Variants in EPHA6 observed in about 807,000 individuals in gnomAD.
EPHA6 encodes EPH receptor A6, also known as ephrin type-A receptor 6.
EPHA6 carries 50 observed loss-of-function variants against 112.0 expected under a neutral mutation model. The observed-to-expected ratio is 0.45, with a 90% CI of 0.36 to 0.56. The LOEUF (loss-of-function observed/expected upper bound fraction) is 0.56. Ranked by LOEUF, EPHA6 falls within the 20% of genes least tolerant of loss-of-function variation. The probability of loss-of-function intolerance (pLI) is 0.00; values close to 1 mark genes in which losing one functional copy is unlikely to be tolerated. For synonymous variants in EPHA6, 529 were observed against 490.7 expected (o/e 1.08, Z -1.03); for missense variants, 1,280 against 1,417.4 (o/e 0.90, Z 1.56).
intron 8 of EPHA6, among the ~76,000 whole-genome samples, chr3:97,477,196 T>C (rs1205151603): frequency 6.6e-6 from 1 of 152,104 alleles, no homozygotes; most frequent in East Asian, 1.9e-4. Flanking sequence ...TCTAAACCAA[T>C]TAACCATTAG....
At chr3:96,866,919 C>A in intron 2 of EPHA6, 30 bp downstream of exon 2, 4 of 1,324,836 alleles carry the variant, frequency 3.0e-6, no homozygotes, top group South Asian at 1.6e-5. Flanking sequence ...AAATTGCTGT[C>A]TTTTTTAGAT....
At chr3:97,019,498 T>C (rs1377153391) in intron 3 of EPHA6, among the ~76,000 whole-genome samples, 2 of 152,184 alleles carry the variant, frequency 1.3e-5, no homozygotes, top group Non-Finnish European at 2.9e-5. Context: ...ACTCCAGCTA[T>C]GTTTTCTCAA....
intron 3 of EPHA6, among the ~76,000 whole-genome samples, chr3:97,142,677 TC>T (rs1559754120): frequency 6.6e-6 from 1 of 151,746 alleles, no homozygotes; most frequent in Non-Finnish European, 1.5e-5. Flanking sequence ...TAATAAAACA[TC>T]TTCCAACAAA....
At chr3:97,160,741 C>G (rs2076395191) in intron 3 of EPHA6, among the ~76,000 whole-genome samples, 1 of 152,170 alleles carries the variant, frequency 6.6e-6, no homozygotes. Flanking sequence ...CAAGTCTGGT[C>G]ATTTCTCCTT....
chr3:97,324,547 T>TTCTC (rs71113855), intron 5 of EPHA6, among the ~76,000 whole-genome samples: 136 of 151,338 alleles, frequency 9.0e-4, no homozygotes, highest in African/African-American at 2.7e-3. Flanking sequence ...CTTTCTCTCT[T>TTCTC]TCTTTCTTTC....
chr3:97,187,741 G>GAA (rs1240522453), intron 3 of EPHA6, among the ~76,000 whole-genome samples: 3 of 146,626 alleles, frequency 2.0e-5, no homozygotes, highest in Non-Finnish European at 4.6e-5. Flanking sequence ...AAGAAAGAAA[G>GAA]AAAGAGGAAA....
intron 3 of EPHA6, among the ~76,000 whole-genome samples, chr3:97,099,857 T>C (rs1336736053): frequency 6.6e-6 from 1 of 151,986 alleles, no homozygotes; most frequent in East Asian, 1.9e-4. Context: ...GATTATGAAG[T>C]GAGTGAGAAA....
intron 5 of EPHA6, among the ~76,000 whole-genome samples, chr3:97,251,698 G>GT: frequency 6.6e-6 from 1 of 152,258 alleles, no homozygotes; most frequent in Non-Finnish European, 1.5e-5. Context: ...TTAGATGAGT[G>GT]TTTTTTCTTC....
chr3:96,984,216 T>C (rs2042928900), intron 2 of EPHA6, among the ~76,000 whole-genome samples: 1 of 152,188 alleles, frequency 6.6e-6, no homozygotes, highest in South Asian at 2.1e-4. Context: ...GATGGTGACG[T>C]GCAGATGGGG....
chr3:97,050,971 G>C (rs1299312044), intron 3 of EPHA6, among the ~76,000 whole-genome samples: 1 of 152,012 alleles, frequency 6.6e-6, no homozygotes, highest in East Asian at 1.9e-4. Flanking sequence ...ACTTAGTCCT[G>C]GTATGAAGAA....
chr3:97,553,374 C>G (rs1385300955), intron 11 of EPHA6, among the ~76,000 whole-genome samples: 1 of 152,042 alleles, frequency 6.6e-6, no homozygotes, highest in Admixed American at 6.6e-5. Flanking sequence ...TCTAAAGTAG[C>G]CCTCCCCAAC....
At chr3:97,165,958 G>A (rs1324792327) in intron 3 of EPHA6, among the ~76,000 whole-genome samples, 1 of 152,050 alleles carries the variant, frequency 6.6e-6, no homozygotes, top group Non-Finnish European at 1.5e-5. Context: ...TTTCAATTTT[G>A]AAAAGAAGTG....
chr3:97,558,706 G>C (rs1056468667), intron 11 of EPHA6, among the ~76,000 whole-genome samples: 4 of 151,980 alleles, frequency 2.6e-5, no homozygotes, highest in Admixed American at 6.6e-5. Context: ...GTGCTTTTAG[G>C]AAGCAGTACA....
At chr3:96,881,458 A>G (rs901554520) in intron 2 of EPHA6, among the ~76,000 whole-genome samples, 2 of 152,120 alleles carry the variant, frequency 1.3e-5, no homozygotes, top group Admixed American at 6.5e-5. Flanking sequence ...ATTCACTACC[A>G]TGAGAACCGT....
chr3:97,404,199 A>G (rs999046471), intron 5 of EPHA6, among the ~76,000 whole-genome samples: 11 of 152,212 alleles, frequency 7.2e-5, no homozygotes, highest in Non-Finnish European at 1.5e-4. Context: ...AAATAAATAC[A>G]TAATTTTTGC....
chr3:97,146,531 C>A (rs1405335022), intron 3 of EPHA6, among the ~76,000 whole-genome samples: 3 of 151,834 alleles, frequency 2.0e-5, no homozygotes, highest in Non-Finnish European at 4.4e-5. Context: ...CTCTTCAAAA[C>A]TGAAAGATTT....
At chr3:97,327,854 T>C (rs1380763721) in intron 5 of EPHA6, among the ~76,000 whole-genome samples, 2 of 148,036 alleles carry the variant, frequency 1.4e-5, no homozygotes, top group Admixed American at 6.8e-5. Flanking sequence ...TATATATATG[T>C]ATATGTGTGT....
intron 5 of EPHA6, among the ~76,000 whole-genome samples, chr3:97,287,083 T>A (rs889904024): frequency 1.3e-5 from 2 of 152,198 alleles, no homozygotes; most frequent in African/African-American, 4.8e-5. Context: ...GATTTTTGTA[T>A]GTTGATTTTA....
Position 96,887,141 on chromosome 3 carries a change from TG to T in EPHA6, c.450+20259del, listed in dbSNP as rs150995795. ...TGCTGCTGAACTAGTGTGATTTGGT[TG>T]GGGGGGCGAGGTTGAAGAGCCTTGT... On this transcript the variant is annotated intron_variant, in intron 2 of 17. Coordinates refer to ENST00000389672, the MANE Select transcript of EPHA6 (RefSeq NM_001080448.3). Among the ~76,000 whole-genome samples the T allele has an allele frequency of 7.9e-5, 12 of 152,080 alleles. 1 individual carries two copies. In the South Asian group the frequency reaches 2.5e-3, roughly 32 times the overall value.
Sources: allele counts gnomAD v4.1 joint callset (sites outside exome capture counted in the v4.1 genomes callset), GRCh38; gene constraint gnomAD v4.1.1; transcripts MANE v1.5; gene names NCBI Gene and HGNC (gene_info 2026-07-23, HGNC 2026-07-21).